The following ZRANB3 variants were observed in gnomAD, a reference collection of about 807,000 sequenced individuals.
The protein encoded by ZRANB3 is DNA annealing helicase and endonuclease ZRANB3.
ZRANB3 carries 125 observed loss-of-function variants against 133.8 expected under a neutral mutation model. The ratio of observed to expected loss-of-function variants is 0.93; its 90% confidence interval spans 0.81 to 1.08. ZRANB3 has a LOEUF of 1.08. ZRANB3 is among the 50% of genes least tolerant of loss of function. ZRANB3 has a pLI of 0.00. For missense variants in ZRANB3, 1,229 were observed against 1,275.5 expected (o/e 0.96, Z 0.56); for synonymous variants, 387 against 432.7 (o/e 0.89, Z 1.31).
Position 135,207,808 on chromosome 2 carries a change from G to T in ZRANB3, c.2635C>A (p.Pro879Thr). 1 of 1,594,028 alleles carries T rather than the reference G, an allele frequency of 6.3e-7. No homozygotes were observed. Among genetic ancestry groups the T allele is most frequent in the Non-Finnish European group, 8.6e-7 (1 of 1,163,906 alleles). ...KKLLEDGACV[P>T]FLNPYTVQAD... is the part of the protein sequence containing the mutation. ...TGGACTGTGTATGGATTTAGAAATG[G>T]GACACAGGCTCCATCTTCAAGAAGT... is the stretch of plus-strand genomic sequence containing the variant. Residue 879 changes from proline to threonine, a missense_variant, in exon 19 of 21, where the codon CCA (proline) becomes ACA (threonine). Transcript: ENST00000264159.
intron 2 of ZRANB3, among the ~76,000 whole-genome samples, chr2:135,451,690 C>G (rs1477906324): frequency 6.6e-6 from 1 of 151,676 alleles, no homozygotes; most frequent in Non-Finnish European, 1.5e-5. Flanking sequence ...GGAAACTGAC[C>G]AACAATGAGG....
chr2:135,354,520 A>G (rs924071244), intron 3 of ZRANB3, among the ~76,000 whole-genome samples: 6 of 152,246 alleles, frequency 3.9e-5, no homozygotes, highest in Admixed American at 3.9e-4. Flanking sequence ...GAAACTGGAT[A>G]TAACTCAAAT....
chr2:135,214,661 G>A (rs1327217822), intron 17 of ZRANB3, among the ~76,000 whole-genome samples: 2 of 152,088 alleles, frequency 1.3e-5, no homozygotes, highest in African/African-American at 4.8e-5. Flanking sequence ...AATAAAATAG[G>A]CATTGTGCTT....
chr2:135,443,958 C>T (rs1400494508), intron 2 of ZRANB3, among the ~76,000 whole-genome samples: 2 of 151,968 alleles, frequency 1.3e-5, no homozygotes, highest in African/African-American at 4.8e-5. Context: ...CCAATTAAAA[C>T]TTAGGTAAAA....
At chr2:135,313,663 A>C (rs1683111378) in intron 7 of ZRANB3, 58 bp from the exon 8 acceptor site, 10 of 1,096,368 alleles carry the variant, frequency 9.1e-6, no homozygotes, top group Non-Finnish European at 1.3e-5. Context: ...GAACAAATTA[A>C]TGCAATCATG....
rs370984340 is a variant in ZRANB3, at chr2:135,472,431, C to T, written c.161+31898G>A. On this transcript the variant is annotated intron_variant, in intron 2 of 20. Transcript: ENST00000264159. ...AGGAGAATGGCGTGAACCCGGGAGG[C>T]GGAGCTTGCAGTGAGCTGAGATCGA... Among the ~76,000 whole-genome samples the T allele has an allele frequency of 1.7e-4, 24 of 145,208 alleles. No homozygotes were observed. The East Asian group carries it at 3.6e-3, about 22-fold the overall frequency.
rs891035424 is a variant in ZRANB3, at chr2:135,315,223, T to A, written c.849+136A>T. On this transcript the variant is annotated intron_variant, in intron 7 of 20. Coordinates refer to ENST00000264159, the MANE Select transcript of ZRANB3 (RefSeq NM_032143.4). ...CTTTCTTGCTGAAATACAAAACCAA[T>A]GTATAGGCTCTATTAATTAAACCTA... The A allele has an allele frequency of 1.9e-4, 151 of 786,042 alleles. No homozygotes were observed. In the African/African-American group the frequency reaches 2.7e-3, roughly 14 times the overall value. 48.7% of individuals were successfully genotyped at this position (786,042 alleles called of 1,614,324 possible).
At position 135,497,912 on chromosome 2, in the gene ZRANB3, G is replaced by A. The variant is rs544483383; in HGVS notation, c.161+6417C>T. On this transcript the variant is annotated intron_variant, in intron 2 of 20. Transcript: ENST00000264159. ...TACTAAAAATACAAAAATTAGCTGGGCATGGTGGTGTGCACCTGTAGTCCC... is the reference window on the plus strand; with the variant it reads ...TACTAAAAATACAAAAATTAGCTGGACATGGTGGTGTGCACCTGTAGTCCC... Among the ~76,000 whole-genome samples, 124 of 152,008 alleles carry A rather than the reference G, an allele frequency of 8.2e-4. 1 individual carries two copies. Among genetic ancestry groups the A allele is most frequent in the African/African-American group, 2.7e-3 (110 of 41,470 alleles).
In ZRANB3 at chr2:135,350,035, G is replaced by C. The variant is rs755793991; in HGVS notation, c.540C>G (p.Ala180=). 3.1e-6 allele frequency: 5 copies of C among 1,613,724 alleles called. No homozygotes were observed. Among genetic ancestry groups the C allele is most frequent in the Non-Finnish European group, 3.4e-6 (4 of 1,179,854 alleles). The change falls in exon 5 of 21, where the codon GCC becomes GCG. Residue 180 remains alanine (A), a synonymous_variant. Transcript: ENST00000264159. ...TTCCTGTAAGAAGAATGGCTCGTCT[G>C]GCTTTCTGTACTATTGGCAATAAAA... The part of the protein sequence containing the change: ...SRILLPIVQK[A]RRAILLTGTP...
intron 3 of ZRANB3, among the ~76,000 whole-genome samples, chr2:135,368,594 TTAA>T (rs938628879): frequency 4.6e-5 from 7 of 152,044 alleles, no homozygotes; most frequent in African/African-American, 1.2e-4. Flanking sequence ...GTGACTGTAG[TTAA>T]TAATAATTTA....
intron 12 of ZRANB3, among the ~76,000 whole-genome samples, chr2:135,248,565 A>T (rs1695903918): frequency 6.6e-6 from 1 of 150,586 alleles, no homozygotes. Context: ...AGCATCTATA[A>T]GAAACTTAAA....
At chr2:135,405,554 G>T (rs1273536218) in intron 2 of ZRANB3, among the ~76,000 whole-genome samples, 4 of 152,118 alleles carry the variant, frequency 2.6e-5, no homozygotes, top group Admixed American at 1.3e-4. Context: ...TTCCAAAATT[G>T]ACCACATAGT....
At chr2:135,292,006 T>C (rs1472018877) in intron 8 of ZRANB3, among the ~76,000 whole-genome samples, 1 of 152,200 alleles carries the variant, frequency 6.6e-6, no homozygotes, top group Non-Finnish European at 1.5e-5. Context: ...TGTTGGACAT[T>C]TGGGTTGGTT....
chr2:135,475,512 T>C (rs1477219539), intron 2 of ZRANB3, among the ~76,000 whole-genome samples: 1 of 152,210 alleles, frequency 6.6e-6, no homozygotes, highest in Non-Finnish European at 1.5e-5. Context: ...ATACCCATGA[T>C]CATAATGGTG....
chr2:135,390,841 A>ATT (rs755649429), intron 2 of ZRANB3, 21 bp from the exon 3 acceptor site: 15 of 1,513,216 alleles, frequency 9.9e-6, no homozygotes, highest in South Asian at 2.6e-5. Flanking sequence ...AAAAAAAAAA[A>ATT]AATTAATTAT....
At chr2:135,340,407 C>T (rs1221666440) in intron 6 of ZRANB3, among the ~76,000 whole-genome samples, 1 of 151,910 alleles carries the variant, frequency 6.6e-6, no homozygotes, top group Non-Finnish European at 1.5e-5. Flanking sequence ...CGCCCAACCC[C>T]CTTTTTTTAA....
At chr2:135,403,117 G>A (rs911099716) in intron 2 of ZRANB3, among the ~76,000 whole-genome samples, 1 of 152,088 alleles carries the variant, frequency 6.6e-6, no homozygotes, top group East Asian at 1.9e-4. Context: ...CAGGACAGTA[G>A]GTGCAGTGCA....
At chr2:135,461,742 C>T (rs1690775264) in intron 2 of ZRANB3, among the ~76,000 whole-genome samples, 1 of 152,256 alleles carries the variant, frequency 6.6e-6, no homozygotes, top group South Asian at 2.1e-4. Context: ...GGAGATGATA[C>T]TAGTTCTGAA....
chr2:135,218,951 C>T lies in ZRANB3; in HGVS notation c.2352+126G>A, dbSNP rs1258664780. On this transcript the variant is annotated intron_variant, in intron 16 of 20. Coordinates refer to ENST00000264159, the MANE Select transcript of ZRANB3 (RefSeq NM_032143.4). The stretch of plus-strand genomic sequence containing the variant: ...CCACCTAGAATGATGAAAATGCAAC[C>T]AGTGATTTGACTCTACAACATGCCA... The T allele has an allele frequency of 5.3e-6, 3 of 569,590 alleles. No individual in the cohort carries two copies. The African/African-American group carries it at 5.9e-5, about 11-fold the overall frequency. The allele number at this position is 569,590 out of a possible 1,614,324, so 35.3% of individuals were successfully genotyped here. A position where few individuals can be genotyped will look rare whatever the true frequency, so the allele number is the denominator to read the frequency against.
Sources: gnomAD v4.1 joint callset for allele counts (sites outside exome capture counted in the v4.1 genomes callset) on GRCh38, gnomAD v4.1.1 for gene constraint, MANE v1.5 for transcripts, NCBI Gene and HGNC (gene_info 2026-07-23, HGNC 2026-07-21) for gene names.